MMP27: variants seen among roughly 807,000 people sequenced by gnomAD.
MMP27 encodes matrix metalloproteinase-27.
MMP27 carries 51 observed loss-of-function variants against 48.1 expected under a neutral mutation model. The observed-to-expected ratio is 1.06, with a 90% CI of 0.85 to 1.34. The LOEUF (loss-of-function observed/expected upper bound fraction) is 1.34, where lower values mean the gene tolerates loss of function less well. Among genes scored for constraint, MMP27 ranks in the 40% most tolerant of loss-of-function variants. The pLI, the probability that MMP27 is intolerant of heterozygous loss-of-function variation, is 0.00. For synonymous variants in MMP27, 229 were observed against 208.9 expected (o/e 1.10, Z -0.83); for missense variants, 698 against 619.3 (o/e 1.13, Z -1.35).
Position 102,692,984 on chromosome 11 carries a change from G to A in MMP27, c.1251C>T (p.His417=), listed in dbSNP as rs562971672. The A allele has an allele frequency of 1.6e-5, 26 of 1,613,852 alleles. No individual in the cohort carries two copies. The South Asian group carries it at 2.9e-4, about 18-fold the overall frequency. ...CAACACGGATACTGATTCCAGGAAA[G>A]TGTTTTACCACTCTCTGCGGGAACC... is the stretch of plus-strand genomic sequence containing the variant. ...DKGFPQRVVK[H]FPGISIRVDA... The change falls in exon 9 of 10, where the codon CAC becomes CAT. Residue 417 remains histidine (H), a synonymous_variant. Transcript: ENST00000260229.
chr11:102,693,920 G>A lies in MMP27; in HGVS notation c.1179C>T (p.Gly393=). 1 of 1,596,386 alleles carries A rather than the reference G, an allele frequency of 6.3e-7. No homozygotes were observed. Among genetic ancestry groups the A allele is most frequent in the Non-Finnish European group, 8.5e-7 (1 of 1,173,040 alleles). Residue 393 remains glycine (G), a synonymous_variant, in exon 8 of 10, where the codon GGC becomes GGT. Transcript: ENST00000260229. The stretch of plus-strand genomic sequence containing the variant: ...TGTAAACTTACCTCCAGCACCAAAT[G>A]CCCACAAAGAAGTAGGTTTTTCTTG... ...KTTRKTYFFV[G]IWCWRFDEMT... is the part of the protein sequence containing the mutation.
rs556290500 is a variant in MMP27, at chr11:102,702,675, G to A, written c.619+78C>T. ...ACATTGGGAACTTTACAGTTAAAAA[G>A]CAGCTAGTTACAAAGCTATTCTTTT... On this transcript the variant is annotated intron_variant, in intron 4 of 9. Transcript: ENST00000260229. 4.1e-6 allele frequency: 6 copies of A among 1,476,256 alleles called. No individual in the cohort carries two copies. In the African/African-American group the frequency reaches 5.7e-5, roughly 14 times the overall value. The allele number at this position is 1,476,256 out of a possible 1,614,324, so 91.4% of individuals were successfully genotyped here.
chr11:102,701,582 A>G (rs1860940876), intron 4 of MMP27, among the ~76,000 whole-genome samples: 1 of 152,212 alleles, frequency 6.6e-6, no homozygotes. Flanking sequence ...GAAGATACAC[A>G]ACAGACATGG....
At chr11:102,699,022 G>T (rs945288346) in intron 4 of MMP27, among the ~76,000 whole-genome samples, 1 of 145,064 alleles carries the variant, frequency 6.9e-6, no homozygotes, top group Non-Finnish European at 1.5e-5. Context: ...ATGATTAATG[G>T]ATGTCCAAGT....
At chr11:102,698,104 C>T (rs562131167) in intron 4 of MMP27, among the ~76,000 whole-genome samples, 8 of 152,160 alleles carry the variant, frequency 5.3e-5, no homozygotes, top group African/African-American at 1.7e-4. Flanking sequence ...GGAGTACATT[C>T]TAAAATAACC....
chr11:102,701,866 C>T (rs375477593), intron 4 of MMP27, among the ~76,000 whole-genome samples: 96 of 152,232 alleles, frequency 6.3e-4, no homozygotes, highest in African/African-American at 2.1e-3. Context: ...TGATCTAGAC[C>T]GATTATCTGG....
rs992870158 is a variant in MMP27 at position 102,702,803 on chromosome 11, C to T, written c.569G>A (p.Gly190Asp). ...GHAFPPGPGL[G>D]GDTHFDEDEN... ...ATCCTCATCAAAATGAGTGTCACCA[C>T]CCAGACCCGGACCAGGAGGAAAGGC... Residue 190 changes from glycine to aspartate, a missense_variant, in exon 4 of 10, where the codon GGT (glycine) becomes GAT (aspartate). By Grantham distance (94) the Gly-to-Asp change is moderately conservative. Coordinates refer to ENST00000260229, the MANE Select transcript of MMP27 (RefSeq NM_022122.3). 7 of 1,613,904 alleles carry T rather than the reference C, an allele frequency of 4.3e-6. 1 individual carries two copies. In the South Asian group the frequency reaches 5.5e-5, roughly 13 times the overall value.
chr11:102,692,560 A>T (rs913315665), intron 9 of MMP27, among the ~76,000 whole-genome samples: 1 of 152,214 alleles, frequency 6.6e-6, no homozygotes. Flanking sequence ...ATCACTCACA[A>T]TTCTGCCTCA....
intron 7 of MMP27, among the ~76,000 whole-genome samples, chr11:102,694,380 C>T (rs1591656471): frequency 2.0e-5 from 3 of 152,198 alleles, no homozygotes; most frequent in African/African-American, 2.4e-5. Context: ...TCACATTGTA[C>T]CCCATAAATA....
intron 3 of MMP27, 23 bp from the exon 4 acceptor site, chr11:102,702,904 A>G: frequency 1.2e-6 from 2 of 1,612,158 alleles, no homozygotes; most frequent in Non-Finnish European, 1.7e-6. Flanking sequence ...TTATGCGAGG[A>G]AAAAAGATCA....
chr11:102,700,729 G>T (rs1002761080), intron 4 of MMP27, among the ~76,000 whole-genome samples: 28 of 152,224 alleles, frequency 1.8e-4, no homozygotes, highest in African/African-American at 6.3e-4. Context: ...TCAGTTGTTT[G>T]GTGCACACGT....
chr11:102,704,957 A>G (rs1400293202), intron 1 of MMP27, among the ~76,000 whole-genome samples, 182 bp from the exon 2 acceptor site: 1 of 152,148 alleles, frequency 6.6e-6, no homozygotes, highest in Non-Finnish European at 1.5e-5. Flanking sequence ...ACAAAGAGGA[A>G]AATAACGAGT....
rs183313317 is a variant in MMP27, at chr11:102,699,401, T to C, written c.620-2566A>G. Among the ~76,000 whole-genome samples the C allele has an allele frequency of 9.2e-5, 14 of 151,982 alleles. No individual in the cohort carries two copies. The East Asian group carries it at 2.7e-3, about 30-fold the overall frequency. ...GAGAATTGCTTGAGTCCAATAGGCA[T>C]AGGTTGTAGTGAGCCGAGATCGCAC... On this transcript the variant is annotated intron_variant, in intron 4 of 9. Transcript: ENST00000260229.
At chr11:102,700,105 G>T (rs149839712) in intron 4 of MMP27, among the ~76,000 whole-genome samples, 18 of 152,308 alleles carry the variant, frequency 1.2e-4, no homozygotes, top group African/African-American at 3.6e-4. Context: ...AAGCCCTGGA[G>T]GGCAGCTTCT....
At chr11:102,703,960 A>G (rs1157975836) in intron 2 of MMP27, among the ~76,000 whole-genome samples, 2 of 152,214 alleles carry the variant, frequency 1.3e-5, no homozygotes, top group East Asian at 3.8e-4. Flanking sequence ...AACTATCAGA[A>G]AGGCTGTAGA....
chr11:102,693,048 A>T lies in MMP27; in HGVS notation c.1194-7T>A, dbSNP rs2134260538. On this transcript the variant is annotated splice_region_variant and splice_polypyrimidine_tract_variant and intron_variant, in intron 8 of 9. Coordinates refer to ENST00000260229, the MANE Select transcript of MMP27 (RefSeq NM_022122.3). The stretch of plus-strand genomic sequence containing the variant: ...TTGGGTCATTTCATCAAACCTGCAT[A>T]CAAGAATATGAAAGGATACCAGCGG... 1 of 1,607,612 alleles carries T rather than the reference A, an allele frequency of 6.2e-7. No homozygotes were observed. The highest frequency in any genetic ancestry group is 2.2e-5 in the East Asian group (1 of 44,776).
chr11:102,705,590 GA>G, intron 1 of MMP27, 22 bp downstream of exon 1: 1 of 1,357,064 alleles, frequency 7.4e-7, no homozygotes, highest in East Asian at 2.6e-5. Context: ...AATAGTCATC[GA>G]TATCATTTAT....
rs143954460 is a variant in MMP27 at position 102,693,010 on chromosome 11, C to G, written c.1225G>C (p.Gly409Arg). Reference protein sequence around the residue: ...FDEMTQTMDKGFPQRVVKHFP... With the variant: ...FDEMTQTMDKRFPQRVVKHFP... ...TGTTTTACCACTCTCTGCGGGAACC[C>G]TTTGTCCATGGTTTGGGTCATTTCA... is the stretch of plus-strand genomic sequence containing the variant. The change falls in exon 9 of 10, where the codon GGG becomes CGG. Residue 409 changes from glycine to arginine, a missense_variant. Transcript: ENST00000260229. The G allele has an allele frequency of 6.2e-7, 1 of 1,613,694 alleles. No individual in the cohort carries two copies. Among genetic ancestry groups the G allele is most frequent in the East Asian group, 2.2e-5 (1 of 44,840 alleles).
At position 102,705,613 on chromosome 11, in the gene MMP27, C is replaced by G. The variant is rs767497561; in HGVS notation, c.102G>C (p.Gln34His). 1.3e-6 allele frequency: 2 copies of G among 1,540,334 alleles called. No individual in the cohort carries two copies. Among genetic ancestry groups the G allele is most frequent in the Non-Finnish European group, 1.8e-6 (2 of 1,127,506 alleles). ...TENEENMQLA[Q>H]AYLNQFYSLE... ...TCGATATCATTTATTAAGACAGTAC[C>G]TGAGCCAGTTGCATATTTTCTTCAT... The change falls in exon 1 of 10, where the codon CAG (glutamine) becomes CAC (histidine). Residue 34 changes from glutamine (Q) to histidine (H), a missense_variant and splice_region_variant. Gln to His is a conservative substitution (Grantham distance 24). Coordinates refer to ENST00000260229, the MANE Select transcript of MMP27 (RefSeq NM_022122.3).
Sources: gnomAD v4.1 joint callset for allele counts (sites outside exome capture counted in the v4.1 genomes callset) on GRCh38, gnomAD v4.1.1 for gene constraint, MANE v1.5 for transcripts, NCBI Gene and HGNC (gene_info 2026-07-23, HGNC 2026-07-21) for gene names.